Variants in NHS observed in about 807,000 individuals in gnomAD.
NHS encodes the protein NHS actin remodeling regulator.
A neutral mutation model predicts 72.5 loss-of-function variants in NHS; 5 were observed. The observed-to-expected ratio is 0.07, with a 90% CI of 0.04 to 0.14. The LOEUF is 0.14. Ranked by LOEUF, NHS falls within the 10% of genes least tolerant of loss-of-function variation. NHS has a pLI of 1.00. For synonymous variants in NHS, 464 were observed against 547.7 expected, an observed-to-expected ratio of 0.85 and a Z score of 2.13; for missense variants, 1,072 against 1,355.7, an observed-to-expected ratio of 0.79 and a Z score of 3.29.
intron 1 of NHS, among the ~76,000 whole-genome samples, chrX:17,495,340 A>G (rs940647712): frequency 8.9e-6 from 1 of 112,283 alleles, no homozygotes; most frequent in Admixed American, 9.4e-5. Flanking sequence ...ATGAGTGGAT[A>G]GGAAAAAGCA....
At chrX:17,607,925 T>C (rs1431947696) in intron 1 of NHS, among the ~76,000 whole-genome samples, 3 of 103,050 alleles carry the variant, frequency 2.9e-5, no homozygotes, top group East Asian at 5.9e-4. Flanking sequence ...TTTTCTTTTT[T>C]TTTTTTTTTT....
intron 1 of NHS, among the ~76,000 whole-genome samples, chrX:17,491,791 T>C: frequency 9.5e-6 from 1 of 105,605 alleles, no homozygotes. Context: ...GGCTATTAAT[T>C]ACTGCCTCAA....
chrX:17,652,057 C>A (rs2065933046), intron 1 of NHS, among the ~76,000 whole-genome samples: 1 of 112,476 alleles, frequency 8.9e-6, no homozygotes. Context: ...TATATATGCA[C>A]CATCCATGGC....
intron 1 of NHS, among the ~76,000 whole-genome samples, chrX:17,639,288 A>G (rs2065868121): frequency 8.9e-6 from 1 of 112,166 alleles, no homozygotes; most frequent in Admixed American, 9.4e-5. Flanking sequence ...ATCAAACATG[A>G]CTAAGTCACA....
intron 1 of NHS, among the ~76,000 whole-genome samples, chrX:17,405,534 G>A (rs1016443443): frequency 1.8e-5 from 2 of 112,310 alleles, no homozygotes; most frequent in Non-Finnish European, 3.8e-5. Flanking sequence ...GAAGGGTTAC[G>A]GATAATGATA....
At chrX:17,687,597 C>T in intron 1 of NHS, 145 bp from the exon 2 acceptor site, 1 of 739,609 alleles carries the variant, frequency 1.4e-6, no homozygotes, top group African/African-American at 2.1e-5. Flanking sequence ...CTTTCTCCGG[C>T]CTTGAGTTAG....
intron 1 of NHS, among the ~76,000 whole-genome samples, chrX:17,422,943 G>A (rs897370847): frequency 8.9e-6 from 1 of 111,746 alleles, no homozygotes; most frequent in African/African-American, 3.3e-5. Context: ...AGGGTAACTG[G>A]GTCAAACTTC....
chrX:17,501,950 C>A (rs1049372120), intron 1 of NHS, among the ~76,000 whole-genome samples: 2 of 112,040 alleles, frequency 1.8e-5, no homozygotes, highest in Non-Finnish European at 3.8e-5. Context: ...AGAAAAGTTT[C>A]CCCATGGGGT....
chrX:17,657,586 A>G (rs1427746825), intron 1 of NHS, among the ~76,000 whole-genome samples: 2 of 112,351 alleles, frequency 1.8e-5, no homozygotes, highest in Non-Finnish European at 3.8e-5. Context: ...GTCTCAAGGC[A>G]AGGCAGGGAT....
chrX:17,561,235 G>T (rs1221834837), intron 1 of NHS, among the ~76,000 whole-genome samples: 1 of 111,981 alleles, frequency 8.9e-6, no homozygotes, highest in East Asian at 2.8e-4. Flanking sequence ...AGATGTTGTT[G>T]CTCTGTAATA....
intron 1 of NHS, among the ~76,000 whole-genome samples, chrX:17,416,792 A>ATG (rs770265000): frequency 0.013 from 1,221 of 95,663 alleles, 14 homozygotes; most frequent in African/African-American, 0.034. Flanking sequence ...ATGTAGGAGT[A>ATG]TGTGTGTGTG....
chrX:17,472,144 C>G (rs1212264943), intron 1 of NHS, among the ~76,000 whole-genome samples: 1 of 111,022 alleles, frequency 9.0e-6, no homozygotes, highest in African/African-American at 3.3e-5. Flanking sequence ...GATGCCATGC[C>G]CACTTGTGTT....
At chrX:17,476,665 A>G (rs2064920052) in intron 1 of NHS, among the ~76,000 whole-genome samples, 1 of 111,620 alleles carries the variant, frequency 9.0e-6, no homozygotes, top group Non-Finnish European at 1.9e-5. Flanking sequence ...AGTAAAGGAC[A>G]TTATCAAGCT....
chrX:17,381,604 A>G (rs1398338583), intron 1 of NHS, among the ~76,000 whole-genome samples: 2 of 112,428 alleles, frequency 1.8e-5, no homozygotes, highest in African/African-American at 6.5e-5. Context: ...AGATTCTTTC[A>G]TCTTATTGCA....
At chrX:17,671,958 G>A (rs112232610) in intron 1 of NHS, among the ~76,000 whole-genome samples, 1,244 of 111,783 alleles carry the variant, frequency 0.011, 24 homozygotes, top group African/African-American at 0.038. Flanking sequence ...CTGGAAGGGC[G>A]AGCCTCTAAC....
chrX:17,446,347 C>T (rs753407292), intron 1 of NHS, among the ~76,000 whole-genome samples: 47 of 111,208 alleles, frequency 4.2e-4, no homozygotes, highest in Non-Finnish European at 6.8e-4. Context: ...TCCCCTGTGA[C>T]CCGCACGTAT....
At chrX:17,546,359 G>A (rs1235601092) in intron 1 of NHS, among the ~76,000 whole-genome samples, 1 of 112,311 alleles carries the variant, frequency 8.9e-6, no homozygotes, top group Admixed American at 9.4e-5. Context: ...CAGAGTCCCA[G>A]CCCTAGTATC....
intron 1 of NHS, among the ~76,000 whole-genome samples, chrX:17,543,079 G>A (rs1158346502): frequency 1.8e-5 from 2 of 111,523 alleles, no homozygotes; most frequent in African/African-American, 6.5e-5. Flanking sequence ...ATAATCATCA[G>A]GAGAGTTGGT....
At chrX:17,377,073 C>T (rs2146835590) in intron 1 of NHS, among the ~76,000 whole-genome samples, 1 of 111,837 alleles carries the variant, frequency 8.9e-6, no homozygotes, top group Admixed American at 9.3e-5. Flanking sequence ...AGGGTTCCTA[C>T]TAAATGGCTC....
Sources: gnomAD v4.1 joint callset for allele counts (sites outside exome capture counted in the v4.1 genomes callset) on GRCh38, gnomAD v4.1.1 for gene constraint, MANE v1.5 for transcripts, NCBI Gene and HGNC (gene_info 2026-07-23, HGNC 2026-07-21) for gene names.